Variants in AK8 observed in about 807,000 individuals in gnomAD.
The protein encoded by AK8 is adenylate kinase 8, also known as ATP-AMP transphosphorylase 8.
A neutral mutation model predicts 54.6 loss-of-function variants in AK8; 44 were observed. The ratio of observed to expected loss-of-function variants is 0.81; its 90% CI spans 0.63 to 1.04. The LOEUF (loss-of-function observed/expected upper bound fraction) is 1.04, where lower values mean the gene tolerates loss of function less well. Among genes scored for constraint, AK8 ranks in the 50% least tolerant of loss-of-function variants. The pLI is 0.00. For synonymous variants in AK8, 239 were observed against 245.6 expected, an observed-to-expected ratio of 0.97 and a Z score of 0.25; for missense variants, 555 against 613.6, an observed-to-expected ratio of 0.90 and a Z score of 1.01.
intron 7 of AK8, 45 bp from the exon 8 acceptor site, chr9:132,827,099 C>G: frequency 3.1e-6 from 5 of 1,594,520 alleles, no homozygotes; most frequent in Non-Finnish European, 4.3e-6. Flanking sequence ...ATGCAGGGGC[C>G]CTGTGGGCGC....
chr9:132,757,327 C>A (rs944096290), intron 11 of AK8, among the ~76,000 whole-genome samples: 1 of 152,200 alleles, frequency 6.6e-6, no homozygotes, highest in African/African-American at 2.4e-5. Flanking sequence ...GTGTCCAACC[C>A]GCTGGCCTCT....
intron 5 of AK8, among the ~76,000 whole-genome samples, chr9:132,849,728 C>T (rs1842893352): frequency 6.6e-6 from 1 of 152,196 alleles, no homozygotes; most frequent in Admixed American, 6.5e-5. Context: ...GGAAAGATTC[C>T]TGCTTCAGGT....
intron 5 of AK8, among the ~76,000 whole-genome samples, chr9:132,835,343 C>T (rs967177020): frequency 1.3e-5 from 2 of 152,200 alleles, no homozygotes; most frequent in Non-Finnish European, 2.9e-5. Flanking sequence ...AAGATAGCCC[C>T]CTGCAGAGAT....
intron 11 of AK8, among the ~76,000 whole-genome samples, chr9:132,731,413 G>A (rs1836840019): frequency 6.6e-6 from 1 of 152,194 alleles, no homozygotes; most frequent in African/African-American, 2.4e-5. Context: ...AGAGGAGAGG[G>A]CTGTGAGTCT....
chr9:132,878,626 G>T, upstream of AK8: 1 of 1,049,668 alleles, frequency 9.5e-7, no homozygotes, highest in Non-Finnish European at 1.1e-6. The surrounding 1 kb of genome is among the most constrained non-coding windows in gnomAD (Gnocchi z 4.7). Context: ...TCCCCGGCCC[G>T]GCTCCCTGTG....
At chr9:132,842,536 T>C (rs902552073) in intron 5 of AK8, among the ~76,000 whole-genome samples, 3 of 152,136 alleles carry the variant, frequency 2.0e-5, no homozygotes, top group African/African-American at 7.2e-5. Flanking sequence ...AGAAGTGACT[T>C]GAAGCTGAGG....
In AK8 at chr9:132,803,681, C is replaced by T. The variant is rs532907040; in HGVS notation, c.980-10906G>A. 3.5e-4 allele frequency among the ~76,000 whole-genome samples: 54 copies of T among 152,280 alleles called. No homozygotes were observed. In the East Asian group the frequency reaches 9.3e-3, roughly 26 times the overall value. ...GAGCACAGCTGGGAGGAAGCAGAGT[C>T]TGAATGGGAACCAAGTCTGTGTGAT... On this transcript the variant is annotated intron_variant, in intron 10 of 12. Transcript: ENST00000298545. This position sits in a 1 kb window ranked among gnomAD's most constrained non-coding sequence, Gnocchi z 4.4.
At chr9:132,856,930 T>C (rs1843194455) in intron 4 of AK8, among the ~76,000 whole-genome samples, 1 of 152,052 alleles carries the variant, frequency 6.6e-6, no homozygotes, top group South Asian at 2.1e-4. Context: ...GATGAATATG[T>C]TCACTTTAAA....
At chr9:132,764,496 C>A (rs2131065154) in intron 11 of AK8, among the ~76,000 whole-genome samples, 1 of 152,186 alleles carries the variant, frequency 6.6e-6, no homozygotes, top group East Asian at 1.9e-4. Flanking sequence ...ACAACTGGTA[C>A]CACAGATATA....
At chr9:132,804,436 G>A (rs1328787999) in intron 10 of AK8, among the ~76,000 whole-genome samples, 3 of 152,174 alleles carry the variant, frequency 2.0e-5, no homozygotes, top group African/African-American at 7.2e-5. Context: ...AAAGGCTGGG[G>A]GGAGGTCAGA....
Position 132,790,411 on chromosome 9 carries a change from C to T in AK8, c.1121+2223G>A, listed in dbSNP as rs538004168. ...GACTACAGGCGGCCGCCACCACGTC[C>T]AGCTAATTTTTTGTATTTTTTAGTA... On this transcript the variant is annotated intron_variant, in intron 11 of 12. Coordinates refer to ENST00000298545, the MANE Select transcript of AK8 (RefSeq NM_152572.3). The surrounding 1 kb of genome is among the most constrained non-coding windows in gnomAD (Gnocchi z 4.1). 6.6e-6 allele frequency among the ~76,000 whole-genome samples: 1 copy of T among 152,256 alleles called. No individual in the cohort carries two copies. Among genetic ancestry groups the T allele is most frequent in the Non-Finnish European group, 1.5e-5 (1 of 68,018 alleles).
intron 5 of AK8, among the ~76,000 whole-genome samples, chr9:132,831,562 G>T (rs570152808): frequency 6.6e-6 from 1 of 152,292 alleles, no homozygotes; most frequent in Admixed American, 6.5e-5. Context: ...AGGAAGCGGG[G>T]TCAGGCAACT....
chr9:132,785,952 A>T (rs1354055076), intron 11 of AK8, among the ~76,000 whole-genome samples: 1 of 152,242 alleles, frequency 6.6e-6, no homozygotes, highest in African/African-American at 2.4e-5. Flanking sequence ...CCCACAGAAA[A>T]ACGATAGGAA....
chr9:132,806,948 T>C (rs1368011257), intron 10 of AK8, among the ~76,000 whole-genome samples: 1 of 152,180 alleles, frequency 6.6e-6, no homozygotes, highest in Non-Finnish European at 1.5e-5. Flanking sequence ...TGAGGGACCT[T>C]TCCCAGACAG....
upstream of AK8, chr9:132,878,370 A>ACC: frequency 8.0e-7 from 1 of 1,245,874 alleles, no homozygotes; most frequent in South Asian, 3.9e-5. This position sits in a 1 kb window ranked among gnomAD's most constrained non-coding sequence, Gnocchi z 4.7. Context: ...GGGCCCAGAT[A>ACC]CCCGATCCTC....
intron 2 of AK8, among the ~76,000 whole-genome samples, chr9:132,872,633 A>G (rs1233313841): frequency 7.5e-6 from 1 of 132,568 alleles, no homozygotes; most frequent in African/African-American, 2.5e-5. Context: ...CCAGCTTTCA[A>G]GCACATTTTT....
At position 132,803,818 on chromosome 9, in the gene AK8, A is replaced by C. The variant is rs982252071; in HGVS notation, c.979+10820T>G. Reference sequence around the variant, plus strand: ...CCTGTCTCCTCTTTGTTCCTTCAAGACTAATTCTCTGGGCCGGGCATGGTG... The same window carrying C: ...CCTGTCTCCTCTTTGTTCCTTCAAGCCTAATTCTCTGGGCCGGGCATGGTG... On this transcript the variant is annotated intron_variant, in intron 10 of 12. Coordinates refer to ENST00000298545, the MANE Select transcript of AK8 (RefSeq NM_152572.3). This position sits in a 1 kb window ranked among gnomAD's most constrained non-coding sequence, Gnocchi z 4.4. Among the ~76,000 whole-genome samples the C allele has an allele frequency of 6.6e-6, 1 of 152,068 alleles. No homozygotes were observed. The highest frequency in any genetic ancestry group is 2.4e-5 in the African/African-American group (1 of 41,378).
At chr9:132,809,549 G>A (rs1276826854) in intron 10 of AK8, among the ~76,000 whole-genome samples, 1 of 152,198 alleles carries the variant, frequency 6.6e-6, no homozygotes, top group Non-Finnish European at 1.5e-5. Context: ...GGCAAGCGTG[G>A]GGGCCCATCT....
intron 11 of AK8, among the ~76,000 whole-genome samples, chr9:132,763,756 G>T (rs1159792123): frequency 1.3e-5 from 2 of 152,166 alleles, no homozygotes; most frequent in African/African-American, 4.8e-5. Flanking sequence ...TGGTTTGGGG[G>T]GCTGCCCAAT....
Sources: allele counts gnomAD v4.1 joint callset (sites outside exome capture counted in the v4.1 genomes callset), GRCh38; gene constraint gnomAD v4.1.1; non-coding constraint Gnocchi (gnomAD v3.1); transcripts MANE v1.5; gene names NCBI Gene and HGNC (gene_info 2026-07-23, HGNC 2026-07-21).